The following PCSK5 variants were observed in gnomAD, a reference collection of about 807,000 sequenced individuals.
PCSK5 encodes prohormone convertase 5.
In PCSK5, 129 loss-of-function variants were observed where a neutral mutation model predicts 233.2. The observed-to-expected ratio is 0.55, with a 90% confidence interval of 0.48 to 0.64. The LOEUF is 0.64. Among genes scored for constraint, PCSK5 ranks in the 30% least tolerant of loss-of-function variants. The probability of loss-of-function intolerance (pLI) is 0.00; values close to 1 mark genes in which losing one functional copy is unlikely to be tolerated. For missense variants in PCSK5, 2,076 were observed against 2,430.1 expected, an observed-to-expected ratio of 0.85 and a Z score of 3.06; for synonymous variants, 825 against 879.2, an observed-to-expected ratio of 0.94 and a Z score of 1.09.
chr9:76,326,684 G>A (rs1212120012), intron 32 of PCSK5, among the ~76,000 whole-genome samples: 2 of 152,286 alleles, frequency 1.3e-5, no homozygotes, highest in Admixed American at 6.5e-5. Flanking sequence ...CCCAGGGAAT[G>A]CTTACAGGGG....
chr9:76,255,551 T>A (rs768095704), intron 24 of PCSK5, among the ~76,000 whole-genome samples: 6 of 152,330 alleles, frequency 3.9e-5, no homozygotes, highest in Middle Eastern at 3.4e-3. Flanking sequence ...CTAGGCTCAG[T>A]GGCTTACACC....
chr9:76,276,129 T>C (rs1328561540), intron 24 of PCSK5, among the ~76,000 whole-genome samples: 1 of 152,200 alleles, frequency 6.6e-6, no homozygotes, highest in Non-Finnish European at 1.5e-5. Flanking sequence ...TTTATTTCTT[T>C]ACTTTCTCTC....
intron 10 of PCSK5, among the ~76,000 whole-genome samples, chr9:76,139,892 G>A (rs1823137686): frequency 6.6e-6 from 1 of 152,034 alleles, no homozygotes; most frequent in Admixed American, 6.6e-5. Context: ...CATCTCCATG[G>A]GAATATAGAA....
intron 5 of PCSK5, among the ~76,000 whole-genome samples, chr9:76,058,130 A>G (rs1019857888): frequency 2.0e-5 from 3 of 152,144 alleles, no homozygotes; most frequent in African/African-American, 4.8e-5. Context: ...GATTACAGAT[A>G]TTGCAACCAT....
At position 76,261,575 on chromosome 9, in the gene PCSK5, T is replaced by C. The variant is rs149494153; in HGVS notation, c.3142+20891T>C. Among the ~76,000 whole-genome samples the C allele has an allele frequency of 2.6e-5, 4 of 152,302 alleles. No individual in the cohort carries two copies. The East Asian group carries it at 7.7e-4, about 29-fold the overall frequency. ...GTAGGAATATATCTAACCAAGGAGA[T>C]AAAAAATCTCTATGAGAACTACAAA... On this transcript the variant is annotated intron_variant, in intron 24 of 37. Coordinates refer to ENST00000674117, the MANE Select transcript of PCSK5 (RefSeq NM_001372043.1).
intron 36 of PCSK5, among the ~76,000 whole-genome samples, chr9:76,351,492 GA>G (rs1244294788): frequency 2.2e-5 from 2 of 92,776 alleles, no homozygotes; most frequent in African/African-American, 7.4e-5. Flanking sequence ...AAGAAAGAAA[GA>G]AAGAAAGAAA....
Position 76,358,791 on chromosome 9 carries a change from G to C in PCSK5, c.5533G>C (p.Asp1845His). ...GTACAGGGATCGGGACTATGATGAG[G>C]ATGATGATGATGACATCGTCTACAT... ...IEYRDRDYDEDDDDDIVYMGQ... is the reference protein window; with the variant it reads ...IEYRDRDYDEHDDDDIVYMGQ... Residue 1845 changes from aspartate to histidine, a missense_variant, in exon 38 of 38, where the codon GAT becomes CAT. Physicochemically the swap from Asp to His is moderately conservative, Grantham distance 81 (BLOSUM62 -1). Transcript: ENST00000674117. 6.2e-7 allele frequency: 1 copy of C among 1,612,452 alleles called. No individual in the cohort carries two copies. Among genetic ancestry groups the C allele is most frequent in the Non-Finnish European group, 8.5e-7 (1 of 1,179,468 alleles).
chr9:75,986,192 C>A lies in PCSK5; in HGVS notation c.358C>A (p.Arg120Ser). 1 of 1,613,704 alleles carries A rather than the reference C, an allele frequency of 6.2e-7. No individual in the cohort carries two copies. The highest frequency in any genetic ancestry group is 8.5e-7 in the Non-Finnish European group (1 of 1,179,626). Reference sequence around the variant, plus strand: ...GACAAAGAGGGATTATGACTTCAGTCGTGCCCAGTCTACCTATTTCAATGA... The same window carrying A: ...GACAAAGAGGGATTATGACTTCAGTAGTGCCCAGTCTACCTATTTCAATGA... ...KRTKRDYDFS[R>S]AQSTYFNDPK... Residue 120 changes from arginine to serine, a missense_variant, in exon 3 of 38, where the codon CGT becomes AGT. Coordinates refer to ENST00000674117, the MANE Select transcript of PCSK5 (RefSeq NM_001372043.1).
intron 35 of PCSK5, among the ~76,000 whole-genome samples, chr9:76,339,221 A>T (rs186236869): frequency 3.4e-4 from 52 of 152,260 alleles, no homozygotes; most frequent in Non-Finnish European, 6.8e-4. Context: ...GCTTCTCAAT[A>T]TTTAAGAATG....
Position 76,188,691 on chromosome 9 carries a change from C to T in PCSK5, c.2380+16C>T. ...ACTTGTGCTGGTACCTTCCCTAGTT[C>T]TTTTGTTTATTCTCCCGGTTCTGGT... On this transcript the variant is annotated intron_variant, in intron 18 of 37. Transcript: ENST00000674117. 1 of 1,592,428 alleles carries T rather than the reference C, an allele frequency of 6.3e-7. No homozygotes were observed.
chr9:75,896,335 A>G (rs1825803809), intron 1 of PCSK5, among the ~76,000 whole-genome samples: 1 of 152,200 alleles, frequency 6.6e-6, no homozygotes, highest in Admixed American at 6.5e-5. Context: ...TTGTGAGCCT[A>G]AAGGCAGCTG....
chr9:75,927,011 G>C (rs921164879), intron 1 of PCSK5, among the ~76,000 whole-genome samples: 1 of 152,120 alleles, frequency 6.6e-6, no homozygotes, highest in African/African-American at 2.4e-5. Context: ...AGATCGTGAG[G>C]AGAGTGTATG....
chr9:75,984,865 C>A (rs1826437294), intron 2 of PCSK5, among the ~76,000 whole-genome samples: 1 of 152,108 alleles, frequency 6.6e-6, no homozygotes, highest in African/African-American at 2.4e-5. Context: ...ACGTGCAAAC[C>A]CATCCTTGCT....
chr9:75,933,091 G>A (rs1248500357), intron 2 of PCSK5, among the ~76,000 whole-genome samples: 2 of 152,126 alleles, frequency 1.3e-5, no homozygotes, highest in Non-Finnish European at 2.9e-5. Context: ...CCCTGGGAGA[G>A]CCTAGAAGCA....
intron 24 of PCSK5, among the ~76,000 whole-genome samples, chr9:76,285,836 A>G (rs1162032241): frequency 6.6e-6 from 1 of 152,206 alleles, no homozygotes; most frequent in Non-Finnish European, 1.5e-5. Context: ...AAATAAAGTT[A>G]GAAGCATTTT....
At position 76,318,618 on chromosome 9, in the gene PCSK5, T is replaced by A. The variant is rs149990521; in HGVS notation, c.3885-2804T>A. ...GGATAGTTTAATCACTGGGGTTCTATATACACAGACATAAGATTCCGCCTG... is the reference window on the plus strand; with the variant it reads ...GGATAGTTTAATCACTGGGGTTCTAAATACACAGACATAAGATTCCGCCTG... On this transcript the variant is annotated intron_variant, in intron 30 of 37. Transcript: ENST00000674117. 7.3e-3 allele frequency among the ~76,000 whole-genome samples: 1,117 copies of A among 152,296 alleles called. 9 individuals carry two copies. Among genetic ancestry groups the A allele is most frequent in the Admixed American group, 0.012 (183 of 15,292 alleles).
At chr9:75,963,023 A>G (rs887530380) in intron 2 of PCSK5, among the ~76,000 whole-genome samples, 2 of 152,196 alleles carry the variant, frequency 1.3e-5, no homozygotes, top group South Asian at 2.1e-4. Context: ...TAATAATGTC[A>G]TTTACATGAT....
intron 5 of PCSK5, among the ~76,000 whole-genome samples, chr9:76,052,950 CAAATCTT>C (rs1457050299): frequency 6.6e-6 from 1 of 152,200 alleles, no homozygotes; most frequent in Non-Finnish European, 1.5e-5. Context: ...GCAGGACAGT[CAAATCTT>C]AAAGCTCCAA....
At chr9:76,190,500 C>G (rs1319131580) in intron 20 of PCSK5, among the ~76,000 whole-genome samples, 1 of 152,080 alleles carries the variant, frequency 6.6e-6, no homozygotes, top group Admixed American at 6.5e-5. Context: ...GCTTTTTGCA[C>G]TAAGGATTAG....
Sources: allele counts gnomAD v4.1 joint callset (sites outside exome capture counted in the v4.1 genomes callset), GRCh38; gene constraint gnomAD v4.1.1; transcripts MANE v1.5; gene names NCBI Gene and HGNC (gene_info 2026-07-23, HGNC 2026-07-21).